Variants in PXDNL observed in about 807,000 individuals in gnomAD.
The protein encoded by PXDNL is peroxidasin like.
In PXDNL, 145 loss-of-function variants were observed where a neutral mutation model predicts 150.8. The observed-to-expected ratio is 0.96, with a 90% CI of 0.84 to 1.10. PXDNL has a LOEUF of 1.10. Among genes scored for constraint, PXDNL ranks in the 50% least tolerant of loss-of-function variants. PXDNL has a pLI of 0.00. For missense variants in PXDNL, 2,087 were observed against 1,873.9 expected, an observed-to-expected ratio of 1.11 and a Z score of -2.10; for synonymous variants, 757 against 725.7, an observed-to-expected ratio of 1.04 and a Z score of -0.69.
chr8:51,571,440 T>A (rs555452904), intron 3 of PXDNL, among the ~76,000 whole-genome samples: 2 of 151,946 alleles, frequency 1.3e-5, no homozygotes, highest in East Asian at 3.9e-4. Flanking sequence ...TCATTAAATA[T>A]TTACACATCA....
chr8:51,581,652 T>G (rs991830524), intron 3 of PXDNL, among the ~76,000 whole-genome samples: 5 of 152,176 alleles, frequency 3.3e-5, no homozygotes, highest in African/African-American at 1.2e-4. Context: ...ACACCTGTGT[T>G]CATCAGGGAT....
chr8:51,662,242 G>A (rs1181622408), intron 1 of PXDNL, among the ~76,000 whole-genome samples: 5 of 152,132 alleles, frequency 3.3e-5, no homozygotes, highest in South Asian at 2.1e-4. Flanking sequence ...AAATATGGCC[G>A]GGCATGGTGG....
intron 3 of PXDNL, among the ~76,000 whole-genome samples, chr8:51,563,807 C>G (rs555723014): frequency 1.9e-4 from 29 of 151,958 alleles, no homozygotes; most frequent in Non-Finnish European, 4.0e-4. Flanking sequence ...ACACCTCAGT[C>G]TCTGTGTGGT....
intron 1 of PXDNL, among the ~76,000 whole-genome samples, chr8:51,749,217 C>T (rs2037016861): frequency 6.6e-6 from 1 of 152,218 alleles, no homozygotes; most frequent in Non-Finnish European, 1.5e-5. Context: ...TTCTAAGCTA[C>T]ATCCTACGAC....
intron 13 of PXDNL, among the ~76,000 whole-genome samples, chr8:51,425,693 C>T (rs565735519): frequency 2.0e-5 from 3 of 151,928 alleles, no homozygotes; most frequent in South Asian, 4.2e-4. Context: ...TGGTGGCGGG[C>T]GCCTGTAGTC....
chr8:51,433,458 G>A (rs1482917878), intron 12 of PXDNL, among the ~76,000 whole-genome samples: 3 of 151,866 alleles, frequency 2.0e-5, no homozygotes, highest in African/African-American at 7.3e-5. Flanking sequence ...AGTCAGTGGG[G>A]CAATATTTTG....
At chr8:51,771,462 C>A (rs748780765) in intron 1 of PXDNL, among the ~76,000 whole-genome samples, 3 of 152,206 alleles carry the variant, frequency 2.0e-5, no homozygotes, top group African/African-American at 7.2e-5. Flanking sequence ...CGCGGTGACA[C>A]GCAAAGTGCC....
intron 21 of PXDNL, among the ~76,000 whole-genome samples, chr8:51,325,871 T>TG (rs1440804254): frequency 6.6e-6 from 1 of 151,966 alleles, no homozygotes; most frequent in Non-Finnish European, 1.5e-5. Context: ...TTGCTGGAGG[T>TG]GGGGGCCACA....
At position 51,633,354 on chromosome 8, in the gene PXDNL, A is replaced by G. The variant is rs1814531762; in HGVS notation, c.236+21335T>C. Among the ~76,000 whole-genome samples the G allele has an allele frequency of 2.6e-5, 4 of 152,126 alleles. No homozygotes were observed. The South Asian group carries it at 8.3e-4, about 32-fold the overall frequency. On this transcript the variant is annotated intron_variant, in intron 2 of 22. Coordinates refer to ENST00000356297, the MANE Select transcript of PXDNL (RefSeq NM_144651.5). ...TGTTATCGTGAGAGTGCTATAATGAACATATGAATGCATGTGTCTTTTTGG... is the reference window on the plus strand; with the variant it reads ...TGTTATCGTGAGAGTGCTATAATGAGCATATGAATGCATGTGTCTTTTTGG...
chr8:51,658,887 T>C (rs900299143), intron 1 of PXDNL, among the ~76,000 whole-genome samples: 1 of 152,238 alleles, frequency 6.6e-6, no homozygotes, highest in Non-Finnish European at 1.5e-5. Flanking sequence ...CGTTCCTTTA[T>C]AGATTCCTTT....
At chr8:51,703,831 G>A (rs917635909) in intron 1 of PXDNL, among the ~76,000 whole-genome samples, 1 of 152,036 alleles carries the variant, frequency 6.6e-6, no homozygotes, top group Non-Finnish European at 1.5e-5. Context: ...AGTTTTTCAC[G>A]CCAAAATCTT....
Position 51,320,805 on chromosome 8 carries a change from G to T in PXDNL, c.4239C>A (p.Asp1413Glu). The T allele has an allele frequency of 3.1e-6, 5 of 1,613,758 alleles. No individual in the cohort carries two copies. The South Asian group carries it at 4.4e-5, about 14-fold the overall frequency. The change falls in exon 22 of 23, where the codon GAC becomes GAA. Residue 1413 changes from aspartate (D) to glutamate (E), a missense_variant. By Grantham distance (45) the Asp-to-Glu change is conservative. Transcript: ENST00000356297. ...AAACCTCACAAATGCAGTGAGTGCAGTCTTCTTTCATCCAGCGCTCCTCGG... is the reference window on the plus strand; with the variant it reads ...AAACCTCACAAATGCAGTGAGTGCATTCTTCTTTCATCCAGCGCTCCTCGG... The part of the protein sequence containing the change: ...RKAEERWMKE[D>E]CTHCICESGQ...
At chr8:51,463,027 A>C (rs554104536) in intron 8 of PXDNL, among the ~76,000 whole-genome samples, 1 of 152,340 alleles carries the variant, frequency 6.6e-6, no homozygotes, top group South Asian at 2.1e-4. Context: ...TATCCAGCCA[A>C]ACTAAACTTT....
At chr8:51,370,109 G>T (rs143583204) in intron 19 of PXDNL, among the ~76,000 whole-genome samples, 1 of 152,200 alleles carries the variant, frequency 6.6e-6, no homozygotes, top group Non-Finnish European at 1.5e-5. Context: ...TAGTTTCCAG[G>T]AGCCTTATTT....
chr8:51,647,115 GA>G (rs1199657127), intron 2 of PXDNL, among the ~76,000 whole-genome samples: 2 of 152,076 alleles, frequency 1.3e-5, no homozygotes, highest in Admixed American at 6.5e-5. Flanking sequence ...CAGGGTCTGT[GA>G]ATTCTGAGTA....
intron 17 of PXDNL, among the ~76,000 whole-genome samples, chr8:51,404,567 TC>T (rs1329999619): frequency 7.0e-6 from 1 of 143,556 alleles, no homozygotes; most frequent in African/African-American, 3.0e-5. Context: ...GTTCTCCAAG[TC>T]CCCACCAGAT....
In PXDNL at chr8:51,592,706, AG is replaced by A. The variant is rs1813470829; in HGVS notation, c.237-9del. ...TGGTTGTTGTTCAGCAGACTGAAAA[AG>A]CAAAAACAAACAAATAATTCCCAAA... On this transcript the variant is annotated splice_polypyrimidine_tract_variant and intron_variant, in intron 2 of 22. Coordinates refer to ENST00000356297, the MANE Select transcript of PXDNL (RefSeq NM_144651.5). 6.5e-7 allele frequency: 1 copy of A among 1,539,760 alleles called. No homozygotes were observed. Among genetic ancestry groups the A allele is most frequent in the South Asian group, 1.2e-5 (1 of 81,926 alleles).
At position 51,744,947 on chromosome 8, in the gene PXDNL, A is replaced by G. The variant is rs372569002; in HGVS notation, c.164+64234T>C. 1.0e-3 allele frequency among the ~76,000 whole-genome samples: 4 copies of G among 3,978 alleles called. No homozygotes were observed. In the Non-Finnish European group the frequency reaches 0.027, roughly 27 times the overall value. 2.6% of individuals were successfully genotyped at this position (3,978 alleles called of 152,430 possible). On this transcript the variant is annotated intron_variant, in intron 1 of 22. Transcript: ENST00000356297. ...GAAAGAAAAAGAAAGAAAGAAAGAA[A>G]GAAAGAAAGAAAGAAAGAAAGAAAG...
rs1337788246 is a variant in PXDNL at position 51,785,068 on chromosome 8, C to T, written c.164+24113G>A. On this transcript the variant is annotated intron_variant, in intron 1 of 22. Transcript: ENST00000356297. The stretch of plus-strand genomic sequence containing the variant: ...AGGCAAATGGTCTTCAGTGAAACTC[C>T]TGGGCTTACCATCAAGATCTTTAGT... Among the ~76,000 whole-genome samples, 4 of 152,130 alleles carry T rather than the reference C, an allele frequency of 2.6e-5. No individual in the cohort carries two copies. The South Asian group carries it at 6.2e-4, about 24-fold the overall frequency.
Sources: gnomAD v4.1 joint callset for allele counts (sites outside exome capture counted in the v4.1 genomes callset) on GRCh38, gnomAD v4.1.1 for gene constraint, MANE v1.5 for transcripts, NCBI Gene and HGNC (gene_info 2026-07-23, HGNC 2026-07-21) for gene names.